Variants in HROB observed in about 807,000 individuals in gnomAD.
HROB encodes the protein homologous recombination factor with OB-fold, also known as homologous recombination OB-fold protein.
In HROB, 44 loss-of-function variants were observed where a neutral mutation model predicts 61.0. The observed-to-expected ratio is 0.72, with a 90% confidence interval of 0.57 to 0.93. The LOEUF (loss-of-function observed/expected upper bound fraction) is 0.93. Ranked by LOEUF, HROB falls within the 40% of genes least tolerant of loss-of-function variation. The pLI is 0.00. For missense variants in HROB, 716 were observed against 796.2 expected (o/e 0.90, Z 1.21); for synonymous variants, 301 against 310.4 (o/e 0.97, Z 0.32).
At chr17:44,144,739 GTCT>G (rs1567711014) in intron 1 of HROB, among the ~76,000 whole-genome samples, 4 of 131,122 alleles carry the variant, frequency 3.1e-5, no homozygotes, top group Non-Finnish European at 1.5e-5. Context: ...GAATACTTGG[GTCT>G]TTTTTTTTTT....
intron 9 of HROB, among the ~76,000 whole-genome samples, chr17:44,160,897 G>A (rs150237903): frequency 1.7e-3 from 258 of 152,264 alleles, no homozygotes; most frequent in African/African-American, 5.8e-3. Context: ...ACAGAGAGTT[G>A]ATTATAGAAT....
At chr17:44,151,316 C>A (rs1431897010) in intron 4 of HROB, among the ~76,000 whole-genome samples, 1 of 152,166 alleles carries the variant, frequency 6.6e-6, no homozygotes, top group African/African-American at 2.4e-5. Flanking sequence ...CTCCAGCTTC[C>A]CCTGGGGGAG....
chr17:44,150,888 C>T, intron 3 of HROB, 73 bp from the exon 4 acceptor site: 4 of 1,287,922 alleles, frequency 3.1e-6, no homozygotes, highest in Admixed American at 1.9e-5. Flanking sequence ...ATTATGTAAA[C>T]CAGACAATAA....
Position 44,154,563 on chromosome 17 carries a change from T to C in HROB, c.1457T>C (p.Leu486Pro). 2.5e-6 allele frequency: 4 copies of C among 1,614,080 alleles called. No homozygotes were observed. The highest frequency in any genetic ancestry group is 3.4e-6 in the Non-Finnish European group (4 of 1,180,008). Residue 486 changes from leucine (L) to proline (P), a missense_variant, in exon 6 of 10, where the codon CTG becomes CCG. By Grantham distance (98) the Leu-to-Pro change is moderately conservative (BLOSUM62 -3). Transcript: ENST00000585683. ...GCCTCTCCTTGTAAGCAGGCAGCCCTGAAGCAGCTTCCTAGGAACAAGGTC... is the reference window on the plus strand; with the variant it reads ...GCCTCTCCTTGTAAGCAGGCAGCCCCGAAGCAGCTTCCTAGGAACAAGGTC... ...SIVMVLRKAA[L>P]KQLPRNKVPN...
chr17:44,146,117 A>G (rs2053603437), intron 2 of HROB, among the ~76,000 whole-genome samples: 1 of 152,040 alleles, frequency 6.6e-6, no homozygotes, highest in Non-Finnish European at 1.5e-5. Context: ...TGGCACAATC[A>G]CGGCTCACTG....
chr17:44,150,003 A>T (rs1413067368), intron 3 of HROB, among the ~76,000 whole-genome samples: 1 of 152,178 alleles, frequency 6.6e-6, no homozygotes, highest in Non-Finnish European at 1.5e-5. Flanking sequence ...GTGGGAAAGC[A>T]GGGAAGAGCA....
At chr17:44,142,242 A>T (rs961505920) in intron 1 of HROB, 97 bp downstream of exon 1, 6 of 1,356,624 alleles carry the variant, frequency 4.4e-6, no homozygotes, top group Non-Finnish European at 4.8e-6. Context: ...CGCAAGTTGC[A>T]GGACCGGGGT....
chr17:44,151,682 G>C (rs1379732974), intron 4 of HROB, among the ~76,000 whole-genome samples: 1 of 152,058 alleles, frequency 6.6e-6, no homozygotes, highest in African/African-American at 2.4e-5. Context: ...AAATGGCTAA[G>C]CCACTCTGGA....
chr17:44,154,690 T>A, intron 6 of HROB, 26 bp downstream of exon 6: 1 of 1,611,312 alleles, frequency 6.2e-7, no homozygotes, highest in South Asian at 1.1e-5. Context: ...CTAGGTTGTC[T>A]GGTGAGTGGG....
chr17:44,155,814 T>C (rs1320017841), intron 8 of HROB, among the ~76,000 whole-genome samples: 3 of 152,190 alleles, frequency 2.0e-5, no homozygotes, highest in Admixed American at 1.3e-4. Context: ...CAGCACCTGC[T>C]CTGTGTCTTC....
chr17:44,145,102 T>C (rs531813172), intron 1 of HROB, 101 bp from the exon 2 acceptor site: 76 of 1,297,928 alleles, frequency 5.9e-5, no homozygotes, highest in East Asian at 3.5e-4. Flanking sequence ...CAAAAAACAA[T>C]ATACCTGATG....
At chr17:44,152,334 C>A (rs16940540) in intron 4 of HROB, among the ~76,000 whole-genome samples, 5,723 of 151,004 alleles carry the variant, frequency 0.038, 136 homozygotes, top group East Asian at 0.069. Context: ...GCAGACAGGA[C>A]CTGATTTTAA....
At chr17:44,160,472 G>A (rs1415923046) in intron 9 of HROB, among the ~76,000 whole-genome samples, 2 of 152,160 alleles carry the variant, frequency 1.3e-5, no homozygotes, top group Non-Finnish European at 2.9e-5. Context: ...GGAGGCTGAG[G>A]CAGAAGAATG....
intron 1 of HROB, 103 bp from the exon 2 acceptor site, chr17:44,145,100 A>G: frequency 7.7e-7 from 1 of 1,300,308 alleles, no homozygotes; most frequent in Non-Finnish European, 1.1e-6. Context: ...AACAAAAAAC[A>G]ATATACCTGA....
intron 8 of HROB, among the ~76,000 whole-genome samples, chr17:44,156,004 C>G (rs970106126): frequency 6.6e-6 from 1 of 152,122 alleles, no homozygotes; most frequent in Non-Finnish European, 1.5e-5. Flanking sequence ...GCCCCCACCA[C>G]CTTCCTAGGA....
chr17:44,145,440 C>G (rs2053583948), intron 2 of HROB, among the ~76,000 whole-genome samples, 187 bp downstream of exon 2: 1 of 152,182 alleles, frequency 6.6e-6, no homozygotes, highest in African/African-American at 2.4e-5. Flanking sequence ...AAACAAAAAA[C>G]CAGAGCAATG....
intron 9 of HROB, among the ~76,000 whole-genome samples, chr17:44,159,684 G>A (rs2054075004): frequency 6.6e-6 from 1 of 152,212 alleles, no homozygotes; most frequent in African/African-American, 2.4e-5. Context: ...TCCACGTGAT[G>A]GGGGCCTTTC....
chr17:44,155,523 C>A, intron 8 of HROB, 112 bp downstream of exon 8: 1 of 1,463,034 alleles, frequency 6.8e-7, no homozygotes, highest in Non-Finnish European at 9.1e-7. Context: ...GGGGCAGGTG[C>A]TCTGAGGTGA....
At chr17:44,146,678 G>A (rs1185755513) in intron 2 of HROB, among the ~76,000 whole-genome samples, 1 of 152,060 alleles carries the variant, frequency 6.6e-6, no homozygotes, top group Non-Finnish European at 1.5e-5. Flanking sequence ...TTTTATTACT[G>A]CTATAGTTCT....
Sources: allele counts gnomAD v4.1 joint callset (sites outside exome capture counted in the v4.1 genomes callset), GRCh38; gene constraint gnomAD v4.1.1; transcripts MANE v1.5; gene names NCBI Gene and HGNC (gene_info 2026-07-23, HGNC 2026-07-21).